The following PCDHGB6 variants were observed in gnomAD, a reference collection of about 807,000 sequenced individuals.
PCDHGB6 encodes the protein protocadherin gamma-B6.
A neutral mutation model predicts 59.1 loss-of-function variants in PCDHGB6; 51 were observed. The ratio of observed to expected loss-of-function variants is 0.86; its 90% CI spans 0.69 to 1.09. The LOEUF (loss-of-function observed/expected upper bound fraction) is 1.09, where lower values mean the gene tolerates loss of function less well. Ranked by LOEUF, PCDHGB6 falls within the 50% of genes least tolerant of loss-of-function variation. The pLI, the probability that PCDHGB6 is intolerant of heterozygous loss-of-function variation, is 0.00. For synonymous variants in PCDHGB6, 466 were observed against 495.1 expected, an observed-to-expected ratio of 0.94 and a Z score of 0.78; for missense variants, 1,148 against 1,205.1, an observed-to-expected ratio of 0.95 and a Z score of 0.70.
At chr5:141,420,214 C>G (rs1356792048) in intron 1 of PCDHGB6, 1 of 1,611,064 alleles carries the variant, frequency 6.2e-7, no homozygotes, top group Admixed American at 1.7e-5. Context: ...ACAAAGATAG[C>G]ATGCTACTGG....
intron 1 of PCDHGB6, among the ~76,000 whole-genome samples, chr5:141,462,459 CTG>C (rs2099040203): frequency 6.6e-6 from 1 of 152,010 alleles, no homozygotes; most frequent in African/African-American, 2.4e-5. Flanking sequence ...TAACTGAAAA[CTG>C]TGTATTCTGC....
intron 1 of PCDHGB6, chr5:141,420,166 A>G: frequency 1.2e-6 from 2 of 1,614,036 alleles, no homozygotes; most frequent in Non-Finnish European, 1.7e-6. Flanking sequence ...ATTTTTTCAC[A>G]TCTGTTGATC....
At chr5:141,437,659 C>T (rs1006268414) in intron 1 of PCDHGB6, among the ~76,000 whole-genome samples, 10 of 151,870 alleles carry the variant, frequency 6.6e-5, no homozygotes, top group East Asian at 3.9e-4. Context: ...CACATAGTTT[C>T]GAAGAGATGT....
Position 141,431,682 on chromosome 5 carries a change from A to C in PCDHGB6, c.2418+21062A>C. The C allele has an allele frequency of 1.2e-6, 2 of 1,614,232 alleles. No homozygotes were observed. Among genetic ancestry groups the C allele is most frequent in the Non-Finnish European group, 1.7e-6 (2 of 1,180,042 alleles). ...ACAATATCAACAATAGGGGAGTTGG[A>C]CCACGAGGAGTCAGGATTCTACCAG... On this transcript the variant is annotated intron_variant, in intron 1 of 3. Transcript: ENST00000520790. The surrounding 1 kb of genome is among the most constrained non-coding windows in gnomAD (Gnocchi z 4.8).
At chr5:141,467,939 A>G (rs2099154812) in intron 1 of PCDHGB6, among the ~76,000 whole-genome samples, 2 of 152,190 alleles carry the variant, frequency 1.3e-5, no homozygotes, top group Admixed American at 6.5e-5. Context: ...GATTACAAGC[A>G]TGAGCCACCA....
At chr5:141,478,570 G>T (rs1255499966) in intron 1 of PCDHGB6, 1 of 1,590,156 alleles carries the variant, frequency 6.3e-7, no homozygotes, top group Admixed American at 1.8e-5. Context: ...AGTCATGCTT[G>T]ACCCTGTTAG....
At chr5:141,459,910 A>G (rs2098977946) in intron 1 of PCDHGB6, among the ~76,000 whole-genome samples, 2 of 152,042 alleles carry the variant, frequency 1.3e-5, no homozygotes, top group Non-Finnish European at 1.5e-5. Context: ...GAGCTATGGG[A>G]GTTTTAAAAT....
intron 1 of PCDHGB6, chr5:141,413,721 C>A (rs779673406): frequency 6.2e-7 from 1 of 1,613,592 alleles, no homozygotes. Context: ...ATAAGCACTT[C>A]TCCCTAAGAG....
At chr5:141,458,090 G>C (rs1306631184) in intron 1 of PCDHGB6, among the ~76,000 whole-genome samples, 2 of 152,234 alleles carry the variant, frequency 1.3e-5, no homozygotes, top group Non-Finnish European at 1.5e-5. Context: ...CGTAAGTTAA[G>C]AGTACTTACA....
chr5:141,447,360 A>G (rs1471046883), intron 1 of PCDHGB6, among the ~76,000 whole-genome samples: 1 of 151,914 alleles, frequency 6.6e-6, no homozygotes, highest in Non-Finnish European at 1.5e-5. Context: ...GCTGGTCTCA[A>G]ACTCCTGACC....
chr5:141,448,851 A>T (rs1374003271), intron 1 of PCDHGB6, among the ~76,000 whole-genome samples: 1 of 152,124 alleles, frequency 6.6e-6, no homozygotes, highest in Admixed American at 6.5e-5. Context: ...AGGCTGAGGC[A>T]GGAGAATGGC....
Position 141,409,367 on chromosome 5 carries a change from G to A in PCDHGB6, c.1165G>A (p.Asp389Asn). ...AGAAGTCAGGTGTAATATAGAAACA[G>A]ACATTCCATTCAAGATTTATTCTTC... The part of the protein sequence containing the change: ...NGEVRCNIET[D>N]IPFKIYSSSN... The change falls in exon 1 of 4, where the codon GAC becomes AAC. Residue 389 changes from aspartate to asparagine, a missense_variant. Physicochemically the swap from Asp to Asn is conservative, Grantham distance 23 (BLOSUM62 1). Around this residue, in one of 5 missense-constraint regions of PCDHGB6, gnomAD observed 549 missense variants for 527.5 expected, o/e 1.04. Transcript: ENST00000520790. 3 of 1,614,000 alleles carry A rather than the reference G, an allele frequency of 1.9e-6. No individual in the cohort carries two copies. Among genetic ancestry groups the A allele is most frequent in the Non-Finnish European group, 2.5e-6 (3 of 1,179,896 alleles).
rs549266523 is a variant in PCDHGB6 at position 141,408,917 on chromosome 5, C to A, written c.715C>A (p.Pro239Thr). ...TTCTGTCAAGGATACCAATGATAAC[C>A]CCCCGGTTTTCAGCAGAGACGAATA... The part of the protein sequence containing the change: ...EISVKDTNDN[P>T]PVFSRDEYRI... The change falls in exon 1 of 4, where the codon CCC becomes ACC. Residue 239 changes from proline (P) to threonine (T), a missense_variant. By Grantham distance (38) the Pro-to-Thr change is conservative (BLOSUM62 -1). This residue lies in a region of PCDHGB6 where 307 missense variants were observed against 323.8 expected (regional missense o/e 0.95). Coordinates refer to ENST00000520790, the MANE Select transcript of PCDHGB6 (RefSeq NM_018926.3). 12 of 1,613,366 alleles carry A rather than the reference C, an allele frequency of 7.4e-6. No homozygotes were observed. In the African/African-American group the frequency reaches 1.6e-4, roughly 22 times the overall value.
chr5:141,416,819 G>A (rs952251457), intron 1 of PCDHGB6: 5 of 151,982 alleles, frequency 3.3e-5, no homozygotes, highest in African/African-American at 9.7e-5. Flanking sequence ...AAAGCATTCC[G>A]AAGTTTCTCA....
chr5:141,408,124 G>A lies in PCDHGB6; in HGVS notation c.-79G>A. 1.4e-6 allele frequency: 2 copies of A among 1,478,862 alleles called. No homozygotes were observed. The highest frequency in any genetic ancestry group is 1.8e-6 in the Non-Finnish European group (2 of 1,112,388). The allele number at this position is 1,478,862 out of a possible 1,614,324, so 91.6% of individuals were successfully genotyped here. A position where few individuals can be genotyped will look rare whatever the true frequency, so the allele number is the denominator to read the frequency against. On this transcript the variant is annotated 5_prime_UTR_variant, in exon 1 of 4. Coordinates refer to ENST00000520790, the MANE Select transcript of PCDHGB6 (RefSeq NM_018926.3). ...AGACCCGGGACTCCTCCTGTCCTGG[G>A]CCGAATGCTCTTTTAGCGCGGTAGA... is the stretch of plus-strand genomic sequence containing the variant.
intron 1 of PCDHGB6, chr5:141,427,884 G>T (rs1346875505): frequency 5.1e-6 from 8 of 1,564,634 alleles, no homozygotes; most frequent in African/African-American, 2.7e-5. Flanking sequence ...GCAGGCCCAC[G>T]ACCAGGGCTC....
chr5:141,509,602 C>T (rs921950654), intron 3 of PCDHGB6, among the ~76,000 whole-genome samples: 8 of 152,194 alleles, frequency 5.3e-5, no homozygotes, highest in Non-Finnish European at 8.8e-5. Context: ...TTCCGAGAGG[C>T]TGCATTCTAA....
At position 141,418,204 on chromosome 5, in the gene PCDHGB6, T is replaced by G. The variant is rs1456912993; in HGVS notation, c.2418+7584T>G. ...AAGCTGTGGTGGAAAATCCTTTAAATATTTTTCATGTCATTGTGGTGATTG... is the reference window on the plus strand; with the variant it reads ...AAGCTGTGGTGGAAAATCCTTTAAAGATTTTTCATGTCATTGTGGTGATTG... On this transcript the variant is annotated intron_variant, in intron 1 of 3. Transcript: ENST00000520790. The G allele has an allele frequency of 2.5e-6, 4 of 1,614,054 alleles. No homozygotes were observed. The East Asian group carries it at 8.9e-5, about 36-fold the overall frequency.
At position 141,480,148 on chromosome 5, in the gene PCDHGB6, G is replaced by C. The variant is rs139861128; in HGVS notation, c.2419-14659G>C. On this transcript the variant is annotated intron_variant, in intron 1 of 3. Transcript: ENST00000520790. ...ATAACTGTTAAACAATTATTAGCCA[G>C]CTCCTAGCATTTTGGGAGGCTGAGG... 9.2e-4 allele frequency among the ~76,000 whole-genome samples: 140 copies of C among 152,036 alleles called. 1 individual carries two copies. The highest frequency in any genetic ancestry group is 3.1e-3 in the African/African-American group (127 of 41,470).
Sources: gnomAD v4.1 joint callset for allele counts (sites outside exome capture counted in the v4.1 genomes callset) on GRCh38, gnomAD v4.1.1 for gene constraint, gnomAD v4.1.1 regional missense constraint, Gnocchi (gnomAD v3.1) non-coding constraint, MANE v1.5 for transcripts, NCBI Gene and HGNC (gene_info 2026-07-23, HGNC 2026-07-21) for gene names.